The following ANK3 variants were observed in gnomAD, a reference collection of about 807,000 sequenced individuals.
ANK3 encodes ankyrin 3, also known as ankyrin-3.
A neutral mutation model predicts 370.9 loss-of-function variants in ANK3; 57 were observed. That is an observed-to-expected ratio of 0.15 (90% CI 0.12 to 0.19). The LOEUF is 0.19. Ranked by LOEUF, ANK3 falls within the 10% of genes least tolerant of loss-of-function variation. The pLI is 1.00. For missense variants in ANK3, 4,439 were observed against 5,302.1 expected (o/e 0.84, Z 5.06); for synonymous variants, 1,929 against 1,946.3 (o/e 0.99, Z 0.23).
At chr10:60,345,866 T>G (rs2055344104) in intron 1 of ANK3, among the ~76,000 whole-genome samples, 1 of 152,172 alleles carries the variant, frequency 6.6e-6, no homozygotes, top group Non-Finnish European at 1.5e-5. Context: ...GGTCCCTTAT[T>G]AACTAGCAAT....
intron 2 of ANK3, among the ~76,000 whole-genome samples, chr10:60,483,734 C>G (rs1202906235): frequency 6.6e-6 from 1 of 152,170 alleles, no homozygotes; most frequent in Non-Finnish European, 1.5e-5. Flanking sequence ...CCCCCAGGAA[C>G]TCATGGAGCC....
intron 8 of ANK3, among the ~76,000 whole-genome samples, chr10:60,221,413 T>C (rs2097055513): frequency 6.6e-6 from 1 of 152,104 alleles, no homozygotes; most frequent in Non-Finnish European, 1.5e-5. Context: ...GTTTTAATTA[T>C]AAAAAATGTC....
chr10:60,677,130 G>T (rs1010890081), intron 1 of ANK3, among the ~76,000 whole-genome samples: 1 of 152,126 alleles, frequency 6.6e-6, no homozygotes. Context: ...GCCAAGACCA[G>T]GTGCCCTTAA....
intron 2 of ANK3, among the ~76,000 whole-genome samples, chr10:60,465,219 T>C (rs562890814): frequency 6.6e-6 from 1 of 151,204 alleles, no homozygotes; most frequent in African/African-American, 2.4e-5. Flanking sequence ...ATTGCCCCAC[T>C]GCACTCCAGT....
intron 1 of ANK3, among the ~76,000 whole-genome samples, chr10:60,306,244 T>G (rs1363071070): frequency 6.6e-6 from 1 of 152,054 alleles, no homozygotes; most frequent in African/African-American, 2.4e-5. Context: ...GCCCATTATA[T>G]CACCCTTATG....
chr10:60,033,392 A>G (rs957129864), intron 43 of ANK3, among the ~76,000 whole-genome samples: 1 of 151,670 alleles, frequency 6.6e-6, no homozygotes. Flanking sequence ...GCAGGCACCT[A>G]TAATCCCAAC....
chr10:60,223,832 C>T (rs536832148), intron 8 of ANK3, among the ~76,000 whole-genome samples: 1 of 152,076 alleles, frequency 6.6e-6, no homozygotes, highest in South Asian at 2.1e-4. Flanking sequence ...ATAAGATTTC[C>T]TTTTTCTACT....
At chr10:60,206,692 A>C (rs2096768606) in intron 10 of ANK3, among the ~76,000 whole-genome samples, 1 of 152,246 alleles carries the variant, frequency 6.6e-6, no homozygotes, top group African/African-American at 2.4e-5. Flanking sequence ...GCATGCAGAA[A>C]TGTAAATAAC....
chr10:60,425,816 G>T (rs2063873841), intron 2 of ANK3, among the ~76,000 whole-genome samples: 1 of 152,050 alleles, frequency 6.6e-6, no homozygotes, highest in Admixed American at 6.6e-5. Context: ...GATAACCAAG[G>T]GGTAAGAAGA....
At position 60,134,353 on chromosome 10, in the gene ANK3, T is replaced by A; in HGVS notation, c.2759A>T (p.Asp920Val). ...RSASLRSFSS[D>V]RSYTLNRSSY... The stretch of plus-strand genomic sequence containing the variant: ...GCTTCTGTTCAAGGTGTAAGACCTA[T>A]CCGAACTGAAGGAGCGGAGGCTGTT... The change falls in exon 25 of 44, where the codon GAT (aspartate) becomes GTT (valine). Residue 920 changes from aspartate (D) to valine (V), a missense_variant. Physicochemically the swap from Asp to Val is radical, Grantham distance 152. Coordinates refer to ENST00000280772, the MANE Select transcript of ANK3 (RefSeq NM_020987.5). 1 of 1,613,560 alleles carries A rather than the reference T, an allele frequency of 6.2e-7. No individual in the cohort carries two copies. Among genetic ancestry groups the A allele is most frequent in the Non-Finnish European group, 8.5e-7 (1 of 1,179,800 alleles).
At chr10:60,127,973 A>AGATGT (rs1456939623) in intron 25 of ANK3, among the ~76,000 whole-genome samples, 1 of 152,168 alleles carries the variant, frequency 6.6e-6, no homozygotes, top group Non-Finnish European at 1.5e-5. Flanking sequence ...CTGGAATTAC[A>AGATGT]GATGTGAGCC....
chr10:60,380,003 AC>A (rs111335036), intron 1 of ANK3, among the ~76,000 whole-genome samples: 3 of 150,866 alleles, frequency 2.0e-5, no homozygotes, highest in African/African-American at 4.9e-5. Flanking sequence ...AAATCGAAGA[AC>A]CCCCCCCAAA....
At chr10:60,284,803 G>A (rs984798365) in intron 1 of ANK3, among the ~76,000 whole-genome samples, 12 of 151,668 alleles carry the variant, frequency 7.9e-5, no homozygotes, top group African/African-American at 1.2e-4. Flanking sequence ...TCTGGGGGGC[G>A]GGGGCAATCT....
At chr10:60,310,656 G>A (rs937932251) in intron 1 of ANK3, among the ~76,000 whole-genome samples, 8 of 152,298 alleles carry the variant, frequency 5.3e-5, no homozygotes, top group East Asian at 3.9e-4. Flanking sequence ...CTTAGGAGCC[G>A]TAATGCCTAT....
At chr10:60,273,186 C>A (rs2098027780) in intron 4 of ANK3, among the ~76,000 whole-genome samples, 1 of 152,198 alleles carries the variant, frequency 6.6e-6, no homozygotes, top group African/African-American at 2.4e-5. Context: ...ACAGCCACAG[C>A]AAGATGCAGC....
chr10:60,091,859 T>G (rs182213296), intron 28 of ANK3, among the ~76,000 whole-genome samples: 1 of 151,638 alleles, frequency 6.6e-6, no homozygotes, highest in Non-Finnish European at 1.5e-5. Context: ...GCCTCCCGAG[T>G]AGCTGGGACT....
intron 1 of ANK3, among the ~76,000 whole-genome samples, chr10:60,320,913 CA>C (rs2048493022): frequency 6.6e-6 from 1 of 152,088 alleles, no homozygotes; most frequent in Admixed American, 6.5e-5. Flanking sequence ...TGTAGGGTGA[CA>C]AAATCCTCCC....
rs577586939 is a variant in ANK3, at chr10:60,301,285, C to T, written c.115-21646G>A. The stretch of plus-strand genomic sequence containing the variant: ...GCACGCACACATATACACACGCACA[C>T]ATATACACACACATACATATATACA... On this transcript the variant is annotated intron_variant, in intron 1 of 43. Coordinates refer to ENST00000280772, the MANE Select transcript of ANK3 (RefSeq NM_020987.5). Among the ~76,000 whole-genome samples, 4 of 149,042 alleles carry T rather than the reference C, an allele frequency of 2.7e-5. No homozygotes were observed. In the South Asian group the frequency reaches 8.5e-4, roughly 32 times the overall value.
At chr10:60,608,367 T>C (rs1443518653) in intron 2 of ANK3, among the ~76,000 whole-genome samples, 4 of 152,198 alleles carry the variant, frequency 2.6e-5, no homozygotes, top group African/African-American at 4.8e-5. Context: ...AATATATATA[T>C]GTCCTACTTT....
Sources: allele counts gnomAD v4.1 joint callset (sites outside exome capture counted in the v4.1 genomes callset), GRCh38; gene constraint gnomAD v4.1.1; transcripts MANE v1.5; gene names NCBI Gene and HGNC (gene_info 2026-07-23, HGNC 2026-07-21).